The following ASIC2 variants were observed in gnomAD, a reference collection of about 807,000 sequenced individuals.
ASIC2 encodes the protein acid-sensing ion channel 2.
In ASIC2, 25 loss-of-function variants were observed where a neutral mutation model predicts 57.3. That is an observed-to-expected ratio of 0.44 (90% CI 0.32 to 0.61). ASIC2 has a LOEUF of 0.61. ASIC2 is among the 20% of genes least tolerant of loss of function. ASIC2 has a pLI of 0.06. For synonymous variants in ASIC2, 319 were observed against 307.5 expected, an observed-to-expected ratio of 1.04 and a Z score of -0.39; for missense variants, 641 against 738.1, an observed-to-expected ratio of 0.87 and a Z score of 1.52.
chr17:34,122,411 T>C (rs764449349), intron 1 of ASIC2, among the ~76,000 whole-genome samples: 17 of 152,218 alleles, frequency 1.1e-4, no homozygotes, highest in Non-Finnish European at 2.5e-4. Flanking sequence ...AATTAAAAGT[T>C]ATTCCCTGTG....
intron 1 of ASIC2, among the ~76,000 whole-genome samples, chr17:33,490,417 T>C (rs1821660288): frequency 6.6e-6 from 1 of 152,242 alleles, no homozygotes; most frequent in Non-Finnish European, 1.5e-5. Flanking sequence ...GCAATGAAGA[T>C]TGACGTGGTT....
chr17:33,768,238 C>T (rs964091739), intron 1 of ASIC2, among the ~76,000 whole-genome samples: 1 of 151,980 alleles, frequency 6.6e-6, no homozygotes, highest in Non-Finnish European at 1.5e-5. Flanking sequence ...GATCTCCTGA[C>T]CTCGTGATTC....
intron 1 of ASIC2, among the ~76,000 whole-genome samples, chr17:33,830,673 A>G (rs1281972671): frequency 1.3e-5 from 2 of 152,030 alleles, no homozygotes; most frequent in Non-Finnish European, 2.9e-5. Context: ...ATTTTAAGCC[A>G]CACACGCATT....
Position 33,577,551 on chromosome 17 carries a change from C to T in ASIC2, c.556-465484G>A, listed in dbSNP as rs115207225. 7.0e-4 allele frequency among the ~76,000 whole-genome samples: 107 copies of T among 152,290 alleles called. 1 individual carries two copies. Among genetic ancestry groups the T allele is most frequent in the African/African-American group, 2.5e-3 (104 of 41,560 alleles). Reference sequence around the variant, plus strand: ...CACAGCATTAGTATTTCCTGGACTTCTCCCCAGAATAACCAAACCTGATAT... The same window carrying T: ...CACAGCATTAGTATTTCCTGGACTTTTCCCCAGAATAACCAAACCTGATAT... On this transcript the variant is annotated intron_variant, in intron 1 of 9. Coordinates refer to the ASIC2 transcript ENST00000359872.
intron 7 of ASIC2, among the ~76,000 whole-genome samples, chr17:33,020,854 C>G (rs1373243510): frequency 6.6e-6 from 1 of 152,166 alleles, no homozygotes; most frequent in African/African-American, 2.4e-5. Context: ...TCTGATACCT[C>G]TGCCCCCTCT....
chr17:33,039,695 T>A (rs1212019731), intron 3 of ASIC2, among the ~76,000 whole-genome samples: 1 of 152,112 alleles, frequency 6.6e-6, no homozygotes, highest in Non-Finnish European at 1.5e-5. Context: ...GAAGGCCCAC[T>A]CACCCAAAGC....
chr17:34,131,677 C>T (rs1194086507), intron 1 of ASIC2, among the ~76,000 whole-genome samples: 1 of 152,246 alleles, frequency 6.6e-6, no homozygotes, highest in Non-Finnish European at 1.5e-5. Context: ...AGATATTTCA[C>T]ACTCTACCAC....
intron 1 of ASIC2, among the ~76,000 whole-genome samples, chr17:33,805,070 G>A (rs2142148953): frequency 6.6e-6 from 1 of 152,068 alleles, no homozygotes; most frequent in South Asian, 2.1e-4. Context: ...CAGAACTTCT[G>A]GAATGATCTA....
At chr17:33,233,495 A>G (rs2142110683) in intron 1 of ASIC2, among the ~76,000 whole-genome samples, 2 of 149,898 alleles carry the variant, frequency 1.3e-5, no homozygotes, top group East Asian at 4.0e-4. Flanking sequence ...ATGACACTTG[A>G]GGTTACGGAA....
At chr17:34,116,854 TG>T (rs1911437000) in intron 1 of ASIC2, among the ~76,000 whole-genome samples, 1 of 151,818 alleles carries the variant, frequency 6.6e-6, no homozygotes, top group African/African-American at 2.4e-5. Context: ...CAAGTGTGTG[TG>T]GGGGGAGGAG....
chr17:33,896,646 C>A (rs947349335), intron 1 of ASIC2, among the ~76,000 whole-genome samples: 8 of 152,206 alleles, frequency 5.3e-5, no homozygotes, highest in Admixed American at 5.2e-4. Flanking sequence ...CTGGCAGTCA[C>A]CCCTTGACTT....
intron 1 of ASIC2, among the ~76,000 whole-genome samples, chr17:33,480,381 A>C (rs991411296): frequency 2.0e-5 from 3 of 152,198 alleles, no homozygotes; most frequent in African/African-American, 4.8e-5. Flanking sequence ...ATTCCAGTTG[A>C]GACTTGAAGG....
intron 2 of ASIC2, among the ~76,000 whole-genome samples, chr17:33,105,833 C>T (rs1340636016): frequency 2.6e-5 from 4 of 152,208 alleles, no homozygotes; most frequent in Non-Finnish European, 2.9e-5. Context: ...GCAAAGGTCA[C>T]TCTTGCTAGG....
At chr17:33,473,368 C>T (rs1006638921) in intron 1 of ASIC2, among the ~76,000 whole-genome samples, 2 of 152,330 alleles carry the variant, frequency 1.3e-5, no homozygotes, top group East Asian at 1.9e-4. Flanking sequence ...GACATTTATT[C>T]CTGAGATGAA....
At chr17:33,213,007 T>C (rs970120011) in intron 1 of ASIC2, among the ~76,000 whole-genome samples, 2 of 152,256 alleles carry the variant, frequency 1.3e-5, no homozygotes, top group African/African-American at 4.8e-5. Flanking sequence ...TTTATATCTA[T>C]GTGCTAAGCA....
intron 1 of ASIC2, among the ~76,000 whole-genome samples, chr17:33,822,579 C>T (rs1050156956): frequency 1.3e-5 from 2 of 152,158 alleles, no homozygotes; most frequent in Non-Finnish European, 2.9e-5. Context: ...TGTTATTCCT[C>T]AGGTTTTTGG....
chr17:33,089,444 C>T (rs1483466789), intron 2 of ASIC2, among the ~76,000 whole-genome samples: 1 of 152,154 alleles, frequency 6.6e-6, no homozygotes, highest in Non-Finnish European at 1.5e-5. Context: ...CTGCCAACAA[C>T]CTTGATTTTA....
intron 1 of ASIC2, among the ~76,000 whole-genome samples, chr17:33,429,196 G>A (rs1159339707): frequency 6.6e-6 from 1 of 151,874 alleles, no homozygotes; most frequent in East Asian, 1.9e-4. Flanking sequence ...TTTTTTTTTA[G>A]CACTTGTAAC....
At position 33,016,002 on chromosome 17, in the gene ASIC2, T is replaced by C. The variant is rs536901099; in HGVS notation, c.1559A>G (p.Glu520Gly). 3.0e-5 allele frequency: 49 copies of C among 1,614,090 alleles called. 1 individual carries two copies. In the Admixed American group the frequency reaches 5.7e-4, roughly 19 times the overall value. The change falls in exon 9 of 10, where the codon GAG becomes GGG. Residue 520 changes from glutamate (E) to glycine (G), a missense_variant. Physicochemically the swap from Glu to Gly is moderately conservative, Grantham distance 98. Coordinates refer to ENST00000225823, the MANE Select transcript of ASIC2 (RefSeq NM_183377.2). Reference sequence around the variant, plus strand: ...CTCATCGTGGCTCCCTTCGTCCTCCTCTTTGCCAAGCAGGTCTAATAGCTT... The same window carrying C: ...CTCATCGTGGCTCCCTTCGTCCTCCCCTTTGCCAAGCAGGTCTAATAGCTT... Reference protein sequence around the residue: ...KEKLLDLLGKEEDEGSHDENV... With the variant: ...KEKLLDLLGKGEDEGSHDENV...
Sources: allele counts gnomAD v4.1 joint callset (sites outside exome capture counted in the v4.1 genomes callset), GRCh38; gene constraint gnomAD v4.1.1; transcripts MANE v1.5; gene names NCBI Gene and HGNC (gene_info 2026-07-23, HGNC 2026-07-21).